ADAP1: variants seen among roughly 807,000 people sequenced by gnomAD.
ADAP1 encodes arf-GAP with dual PH domain-containing protein 1.
ADAP1 carries 31 observed loss-of-function variants against 54.9 expected under a neutral mutation model. That is an observed-to-expected ratio of 0.56 (90% CI 0.42 to 0.76). The LOEUF (loss-of-function observed/expected upper bound fraction) is 0.76, where lower values mean the gene tolerates loss of function less well. ADAP1 is among the 30% of genes least tolerant of loss of function. The pLI is 0.00. For synonymous variants in ADAP1, 313 were observed against 202.6 expected (o/e 1.55, Z -4.63); for missense variants, 535 against 512.4 (o/e 1.04, Z -0.42).
At chr7:906,179 GGAAAGGA>G (rs1554272091) in intron 4 of ADAP1, among the ~76,000 whole-genome samples, 98 of 66,212 alleles carry the variant, frequency 1.5e-3, no homozygotes, top group Non-Finnish European at 2.7e-3. Context: ...AAGGAGAAAG[GGAAAGGA>G]GAAAGGAGAA....
intron 2 of ADAP1, among the ~76,000 whole-genome samples, chr7:930,264 G>GA (rs1253637033): frequency 6.6e-6 from 1 of 150,972 alleles, no homozygotes. Context: ...AGACAACCTA[G>GA]AAAAAAATGT....
chr7:917,343 A>AG (rs1261554837), intron 4 of ADAP1, among the ~76,000 whole-genome samples: 1 of 14,148 alleles, frequency 7.1e-5, no homozygotes, highest in African/African-American at 3.0e-4. Context: ...GGTGCACGGG[A>AG]GGGGGGCGCA....
chr7:943,207 TGAGGAGGAGGAAGAGA>T (rs1847021076), intron 1 of ADAP1, among the ~76,000 whole-genome samples: 1 of 13,632 alleles, frequency 7.3e-5, no homozygotes, highest in African/African-American at 3.5e-4. Context: ...AGGAAGGGAG[TGAGGAGGAGGAAGAGA>T]GAGGAGGAGG....
At chr7:929,148 C>T (rs528233168) in intron 2 of ADAP1, among the ~76,000 whole-genome samples, 9 of 152,068 alleles carry the variant, frequency 5.9e-5, no homozygotes, top group East Asian at 5.8e-4. Context: ...AAAAATTAGC[C>T]GGGCGTGGTG....
At chr7:942,462 G>T (rs1181800463) in intron 1 of ADAP1, among the ~76,000 whole-genome samples, 2 of 80,924 alleles carry the variant, frequency 2.5e-5, no homozygotes, top group South Asian at 9.5e-4. Flanking sequence ...AGGGAGAGAG[G>T]AGGAGGAAGG....
intron 1 of ADAP1, among the ~76,000 whole-genome samples, chr7:940,942 T>A (rs1321310579): frequency 6.6e-6 from 1 of 151,800 alleles, no homozygotes; most frequent in Non-Finnish European, 1.5e-5. Context: ...CTCAGAAAAC[T>A]AAGAATAGAG....
At position 905,193 on chromosome 7, in the gene ADAP1, G is replaced by T. The variant is rs201250654; in HGVS notation, c.389-21C>A. On this transcript the variant is annotated intron_variant, in intron 4 of 10. Coordinates refer to ENST00000265846, the MANE Select transcript of ADAP1 (RefSeq NM_006869.4). ...GTACCCTGTGGGGGAAAGGGGACAC[G>T]AGTCGGTGACAGTGGATGGGGGGGA... The T allele has an allele frequency of 2.6e-5, 42 of 1,598,822 alleles. No homozygotes were observed. In the South Asian group the frequency reaches 3.9e-4, roughly 15 times the overall value.
intron 1 of ADAP1, among the ~76,000 whole-genome samples, chr7:947,547 C>T (rs973934523): frequency 4.6e-5 from 7 of 151,956 alleles, no homozygotes; most frequent in Admixed American, 2.6e-4. Flanking sequence ...CCCATCTCAG[C>T]GAGTGAGGTG....
At position 926,737 on chromosome 7, in the gene ADAP1, C is replaced by T. The variant is rs1846403342; in HGVS notation, c.214-93G>A. ...CCTTGGGGCCGTCACCACAGTGACC[C>T]GCAGACCCAAGGCTCTGAGGGCTCC... On this transcript the variant is annotated intron_variant, in intron 2 of 10. Coordinates refer to ENST00000265846, the MANE Select transcript of ADAP1 (RefSeq NM_006869.4). The surrounding 1 kb of genome is among the most constrained non-coding windows in gnomAD (Gnocchi z 4.6). 1.9e-5 allele frequency: 20 copies of T among 1,057,476 alleles called. No homozygotes were observed. The highest frequency in any genetic ancestry group is 2.9e-5 in the East Asian group (1 of 34,042). The allele number at this position is 1,057,476 out of a possible 1,614,324, so 65.5% of individuals were successfully genotyped here. A position where few individuals can be genotyped will look rare whatever the true frequency, so the allele number is the denominator to read the frequency against.
intron 4 of ADAP1, among the ~76,000 whole-genome samples, chr7:918,774 C>T (rs1846037683): frequency 1.4e-5 from 2 of 141,934 alleles, no homozygotes; most frequent in South Asian, 4.3e-4. Context: ...CGCCCAGCTG[C>T]CCTGGGGAAA....
chr7:898,543 C>A lies in ADAP1; in HGVS notation c.*378G>T. The A allele has an allele frequency of 6.4e-6, 2 of 310,580 alleles. No homozygotes were observed. The highest frequency in any genetic ancestry group is 1.2e-5 in the Non-Finnish European group (2 of 160,318). The allele number at this position is 310,580 out of a possible 1,614,324, so 19.2% of individuals were successfully genotyped here. A position where few individuals can be genotyped will look rare whatever the true frequency, so the allele number is the denominator to read the frequency against. ...GGCCGGCAGCTGCCCACCGTGCTGG[C>A]CCCAAGCAGGGCTCTGCGCTGAGGC... On this transcript the variant is annotated 3_prime_UTR_variant, in exon 11 of 11. Coordinates refer to ENST00000265846, the MANE Select transcript of ADAP1 (RefSeq NM_006869.4).
intron 2 of ADAP1, among the ~76,000 whole-genome samples, chr7:930,123 A>AC (rs1175543078): frequency 6.7e-6 from 1 of 149,798 alleles, no homozygotes; most frequent in Non-Finnish European, 1.5e-5. Context: ...AAAAAAAAAA[A>AC]AAAACCCTCA....
At chr7:943,271 GGAGA>G (rs1269151886) in intron 1 of ADAP1, among the ~76,000 whole-genome samples, 1 of 21,996 alleles carries the variant, frequency 4.5e-5, no homozygotes, top group Admixed American at 3.6e-4. Flanking sequence ...GAGGAGGAAG[GGAGA>G]GAGGAGGAGG....
Position 904,242 on chromosome 7 carries a change from C to A in ADAP1, c.532G>T (p.Glu178Ter). Residue 178 changes from glutamate (E) to a stop codon, truncating the protein, a stop_gained, in exon 6 of 11, where the codon GAG becomes TAG. Transcript: ENST00000265846. LOFTEE classifies it high-confidence loss of function. Reference protein sequence around the residue: ...AKEPKAVMKIEHLNATFQPAK... With the variant: ...AKEPKAVMKI ...GGCTGGAAGGTGGCGTTCAGGTGCT[C>A]GATCTTCATCACGGCCTTGGGCTCC... The A allele has an allele frequency of 6.2e-7, 1 of 1,607,066 alleles. No individual in the cohort carries two copies. Among genetic ancestry groups the A allele is most frequent in the Non-Finnish European group, 8.5e-7 (1 of 1,176,820 alleles).
upstream of ADAP1, among the ~76,000 whole-genome samples, chr7:954,876 G>C (rs1847350033): frequency 6.6e-6 from 1 of 151,870 alleles, no homozygotes; most frequent in Non-Finnish European, 1.5e-5. Flanking sequence ...GCCTGGGCGC[G>C]AGGCCGCCCC....
intron 2 of ADAP1, chr7:927,032 C>G (rs1043779034): frequency 7.9e-7 from 1 of 1,258,804 alleles, no homozygotes. Flanking sequence ...AGGGCTTCCT[C>G]GTTCACCCAG....
chr7:927,509 A>G (rs1372838237), intron 2 of ADAP1: 2 of 470,432 alleles, frequency 4.3e-6, no homozygotes, highest in East Asian at 1.4e-4. Flanking sequence ...CTGAGGCCGC[A>G]GCCAGGCCCA....
intron 4 of ADAP1, among the ~76,000 whole-genome samples, chr7:906,673 ATGGAC>A (rs1562915079): frequency 8.5e-5 from 8 of 93,868 alleles, no homozygotes; most frequent in Non-Finnish European, 1.4e-4. Flanking sequence ...GAAAGGGGAC[ATGGAC>A]AGGGGACACG....
chr7:905,889 GAGAAAGGA>G (rs1845248870), intron 4 of ADAP1, among the ~76,000 whole-genome samples: 29 of 4,194 alleles, frequency 6.9e-3, no homozygotes, highest in South Asian at 0.017. Flanking sequence ...AAGGAGAAAG[GAGAAAGGA>G]GAAAGGAGAA....
Sources: gnomAD v4.1 joint callset for allele counts (sites outside exome capture counted in the v4.1 genomes callset) on GRCh38, gnomAD v4.1.1 for gene constraint, Gnocchi (gnomAD v3.1) non-coding constraint, MANE v1.5 for transcripts, NCBI Gene and HGNC (gene_info 2026-07-23, HGNC 2026-07-21) for gene names.